The following NPSR1 variants were observed in gnomAD, a reference collection of about 807,000 sequenced individuals.
NPSR1 encodes neuropeptide S receptor.
NPSR1 carries 48 observed loss-of-function variants against 46.9 expected under a neutral mutation model. That is an observed-to-expected ratio of 1.02 (90% CI 0.81 to 1.30). NPSR1 has a LOEUF of 1.30. Ranked by LOEUF, NPSR1 falls within the 50% of genes most tolerant of loss-of-function variation. The pLI, the probability that NPSR1 is intolerant of heterozygous loss-of-function variation, is 0.00. For synonymous variants in NPSR1, 176 were observed against 168.1 expected (o/e 1.05, Z -0.36); for missense variants, 450 against 449.5 (o/e 1.00, Z -0.01).
Position 34,849,777 on chromosome 7 carries a change from A to G in NPSR1, c.*122A>G. On this transcript the variant is annotated 3_prime_UTR_variant, in exon 9 of 9. Transcript: ENST00000360581. Reference sequence around the variant, plus strand: ...CCCCACCCTCGTCATTACCTGGGAGATGCACAAGACAAATGTTCTAATGAC... The same window carrying G: ...CCCCACCCTCGTCATTACCTGGGAGGTGCACAAGACAAATGTTCTAATGAC... 6.6e-7 allele frequency: 1 copy of G among 1,518,568 alleles called. No individual in the cohort carries two copies. The highest frequency in any genetic ancestry group is 8.8e-7 in the Non-Finnish European group (1 of 1,135,978). The allele number at this position is 1,518,568 out of a possible 1,614,324, so 94.1% of individuals were successfully genotyped here.
At chr7:34,856,027 A>G (rs1791040357) in intron 8 of NPSR1, among the ~76,000 whole-genome samples, 1 of 152,208 alleles carries the variant, frequency 6.6e-6, no homozygotes, top group African/African-American at 2.4e-5. Flanking sequence ...TTTATCTGCA[A>G]GAAAGCTACA....
intron 1 of NPSR1, among the ~76,000 whole-genome samples, chr7:34,666,678 A>T (rs913394245): frequency 6.6e-6 from 1 of 152,228 alleles, no homozygotes; most frequent in African/African-American, 2.4e-5. Flanking sequence ...CCTAATTGAT[A>T]TAAATACTAA....
chr7:34,860,562 C>G (rs539184766), intron 8 of NPSR1, among the ~76,000 whole-genome samples: 1 of 151,886 alleles, frequency 6.6e-6, no homozygotes, highest in Non-Finnish European at 1.5e-5. Flanking sequence ...TAATAGAAGA[C>G]AGATTTTCAT....
At chr7:34,804,106 C>T (rs1429518847) in intron 3 of NPSR1, among the ~76,000 whole-genome samples, 1 of 152,016 alleles carries the variant, frequency 6.6e-6, no homozygotes, top group African/African-American at 2.4e-5. Context: ...GCAGTCTTCT[C>T]TAGAAAACAG....
intron 1 of NPSR1, among the ~76,000 whole-genome samples, chr7:34,675,145 G>A (rs530227414): frequency 1.6e-4 from 24 of 152,266 alleles, no homozygotes; most frequent in African/African-American, 4.8e-4. Context: ...GTGATAACTC[G>A]TTGGTCAGGT....
chr7:34,866,087 G>C (rs187842827), intron 8 of NPSR1, among the ~76,000 whole-genome samples: 1 of 151,918 alleles, frequency 6.6e-6, no homozygotes, highest in East Asian at 1.9e-4. Context: ...TGCCATGCTT[G>C]TAGTCCCTAC....
At chr7:34,841,114 G>A (rs913489492) in intron 6 of NPSR1, among the ~76,000 whole-genome samples, 1 of 152,144 alleles carries the variant, frequency 6.6e-6, no homozygotes, top group Non-Finnish European at 1.5e-5. Flanking sequence ...CATACACAAA[G>A]TTTCTAATAT....
At chr7:34,792,617 GTA>G (rs1409664870) in intron 3 of NPSR1, among the ~76,000 whole-genome samples, 26 of 106,610 alleles carry the variant, frequency 2.4e-4, no homozygotes, top group Admixed American at 3.9e-4. Flanking sequence ...GTATATATGT[GTA>G]TATGTGTGTG....
intron 2 of NPSR1, among the ~76,000 whole-genome samples, chr7:34,739,691 A>G (rs13236864): frequency 0.037 from 5,658 of 152,224 alleles, 141 homozygotes; most frequent in Non-Finnish European, 0.056. Flanking sequence ...GGATCTAGCC[A>G]CCGAGCAGGT....
chr7:34,842,548 A>G (rs901423327), intron 6 of NPSR1, among the ~76,000 whole-genome samples: 1 of 152,224 alleles, frequency 6.6e-6, no homozygotes, highest in Admixed American at 6.5e-5. Context: ...CCAATGGAGA[A>G]TCACTGCTCT....
At chr7:34,769,420 T>G (rs1476894026) in intron 2 of NPSR1, among the ~76,000 whole-genome samples, 2 of 152,186 alleles carry the variant, frequency 1.3e-5, no homozygotes, top group African/African-American at 4.8e-5. Context: ...GACATAAACA[T>G]TCAACAACTC....
chr7:34,684,643 A>C lies in NPSR1; in HGVS notation c.239A>C (p.Lys80Thr). The change falls in exon 2 of 9, where the codon AAG becomes ACG. Residue 80 changes from lysine to threonine, a missense_variant. Coordinates refer to ENST00000360581, the MANE Select transcript of NPSR1 (RefSeq NM_207172.2). ...VLFSTWRRKK[K>T]SRMTFFVTQL... is the part of the protein sequence containing the mutation. ...TTTTCCACATGGAGGAGAAAGAAGAAGTCAAGAATGACCTTCTTTGTGACT... is the reference window on the plus strand; with the variant it reads ...TTTTCCACATGGAGGAGAAAGAAGACGTCAAGAATGACCTTCTTTGTGACT... 8 of 1,613,802 alleles carry C rather than the reference A, an allele frequency of 5.0e-6. No homozygotes were observed. Among genetic ancestry groups the C allele is most frequent in the Non-Finnish European group, 6.8e-6 (8 of 1,179,800 alleles).
At chr7:34,761,009 T>C (rs538793687) in intron 2 of NPSR1, 1 of 152,736 alleles carries the variant, frequency 6.5e-6, no homozygotes, top group East Asian at 1.9e-4. Context: ...GCTTTAGTTT[T>C]GAATAAATGG....
chr7:34,801,878 A>G (rs1562739642), intron 3 of NPSR1, among the ~76,000 whole-genome samples: 5 of 149,972 alleles, frequency 3.3e-5, no homozygotes, highest in African/African-American at 1.0e-4. Flanking sequence ...CTCAGGATAC[A>G]AAATCAATGT....
At chr7:34,789,744 A>AT (rs1787638750) in intron 3 of NPSR1, among the ~76,000 whole-genome samples, 1 of 149,190 alleles carries the variant, frequency 6.7e-6, no homozygotes, top group Non-Finnish European at 1.5e-5. Flanking sequence ...AGTGCGCAAA[A>AT]AAAAAAAAAA....
intron 2 of NPSR1, chr7:34,751,991 G>C (rs969945052): frequency 8.1e-6 from 7 of 867,230 alleles, no homozygotes; most frequent in Non-Finnish European, 1.2e-5. Flanking sequence ...TGTCAGAGAT[G>C]TTGGCGATGG....
intron 3 of NPSR1, among the ~76,000 whole-genome samples, chr7:34,791,179 TTA>T (rs1333143197): frequency 2.9e-4 from 34 of 117,310 alleles, no homozygotes; most frequent in South Asian, 2.8e-3. Flanking sequence ...ATATATTATA[TTA>T]TATATGTTAT....
intron 3 of NPSR1, among the ~76,000 whole-genome samples, chr7:34,795,245 C>A (rs984497076): frequency 9.2e-5 from 14 of 152,056 alleles, no homozygotes; most frequent in African/African-American, 2.9e-4. Context: ...ATTCAGTAAA[C>A]TAGGAATAGA....
chr7:34,864,195 G>A (rs1468047527), intron 8 of NPSR1, among the ~76,000 whole-genome samples: 3 of 151,602 alleles, frequency 2.0e-5, no homozygotes, highest in Non-Finnish European at 4.4e-5. Context: ...ACACAAGGAA[G>A]GGAACATCAC....
Sources: gnomAD v4.1 joint callset for allele counts (sites outside exome capture counted in the v4.1 genomes callset) on GRCh38, gnomAD v4.1.1 for gene constraint, MANE v1.5 for transcripts, NCBI Gene and HGNC (gene_info 2026-07-23, HGNC 2026-07-21) for gene names.